TNFRSF19: variants seen among roughly 807,000 people sequenced by gnomAD.
TNFRSF19 encodes the protein TNF receptor superfamily member 19.
A neutral mutation model predicts 46.4 loss-of-function variants in TNFRSF19; 27 were observed. The observed-to-expected ratio is 0.58, with a 90% CI of 0.43 to 0.80. The LOEUF (loss-of-function observed/expected upper bound fraction) is 0.80, where lower values mean the gene tolerates loss of function less well. TNFRSF19 is among the 30% of genes least tolerant of loss of function. The pLI is 0.00. For synonymous variants in TNFRSF19, 204 were observed against 205.0 expected, an observed-to-expected ratio of 1.00 and a Z score of 0.04; for missense variants, 511 against 530.8, an observed-to-expected ratio of 0.96 and a Z score of 0.37.
intron 4 of TNFRSF19, among the ~76,000 whole-genome samples, chr13:23,624,441 A>C (rs1357903577): frequency 6.6e-6 from 1 of 152,162 alleles, no homozygotes; most frequent in East Asian, 1.9e-4. Context: ...AATCAAGTGA[A>C]AATAGAATGT....
At chr13:23,575,910 C>A (rs1325210252) in intron 1 of TNFRSF19, among the ~76,000 whole-genome samples, 2 of 152,108 alleles carry the variant, frequency 1.3e-5, no homozygotes, top group Admixed American at 1.3e-4. Context: ...TAAACAAATG[C>A]ACTTTGTGTC....
intron 6 of TNFRSF19, 29 bp from the exon 7 acceptor site, chr13:23,660,336 C>T (rs201927877): frequency 6.2e-7 from 1 of 1,603,936 alleles, no homozygotes; most frequent in Non-Finnish European, 8.5e-7. Context: ...AGACTGTGTT[C>T]CCTGACAGAG....
At chr13:23,632,053 G>C (rs756026916) in intron 5 of TNFRSF19, among the ~76,000 whole-genome samples, 1 of 152,202 alleles carries the variant, frequency 6.6e-6, no homozygotes, top group Non-Finnish European at 1.5e-5. Flanking sequence ...TTTCTGATGA[G>C]TTTGCTAATA....
At chr13:23,611,458 A>T (rs1169448045) in intron 3 of TNFRSF19, among the ~76,000 whole-genome samples, 1 of 152,138 alleles carries the variant, frequency 6.6e-6, no homozygotes, top group African/African-American at 2.4e-5. Context: ...ACCAGGCATC[A>T]CCTGGGAGAT....
In TNFRSF19 at chr13:23,660,239, TAAG is replaced by T. The variant is rs1395088072; in HGVS notation, c.611-119_611-117del. 9.4e-6 allele frequency: 9 copies of T among 957,760 alleles called. No homozygotes were observed. The African/African-American group carries it at 1.3e-4, about 14-fold the overall frequency. The allele number at this position is 957,760 out of a possible 1,614,324, so 59.3% of individuals were successfully genotyped here. A position where few individuals can be genotyped will look rare whatever the true frequency, so the allele number is the denominator to read the frequency against. On this transcript the variant is annotated intron_variant, in intron 6 of 9. Transcript: ENST00000248484. ...ATTATTTCATGTTTGTGCTTCCATGTAAGAAGAAGTCATCAAACATTGGAAGGA... is the reference window on the plus strand; with the variant it reads ...ATTATTTCATGTTTGTGCTTCCATGTAAGAAGTCATCAAACATTGGAAGGA...
chr13:23,669,144 T>G (rs1309798823), intron 9 of TNFRSF19, 47 bp downstream of exon 9: 3 of 1,583,174 alleles, frequency 1.9e-6, no homozygotes, highest in Non-Finnish European at 2.6e-6. Context: ...TGACTTACAG[T>G]AGATCAGAAC....
At chr13:23,583,391 T>C (rs1288881826) in intron 1 of TNFRSF19, among the ~76,000 whole-genome samples, 1 of 152,224 alleles carries the variant, frequency 6.6e-6, no homozygotes, top group Non-Finnish European at 1.5e-5. Context: ...TTTTTCATGA[T>C]TTAGTGATTG....
intron 5 of TNFRSF19, among the ~76,000 whole-genome samples, chr13:23,657,340 T>G (rs938184308): frequency 6.6e-6 from 1 of 151,922 alleles, no homozygotes; most frequent in African/African-American, 2.4e-5. Flanking sequence ...TTATTGGGAG[T>G]GAGGGGTGTG....
chr13:23,586,677 A>G (rs1878866139), intron 1 of TNFRSF19, among the ~76,000 whole-genome samples: 2 of 152,188 alleles, frequency 1.3e-5, no homozygotes, highest in Admixed American at 1.3e-4. Context: ...GAGGGAGGCC[A>G]ATTAGGACAC....
chr13:23,633,359 A>AT (rs1191355867), intron 5 of TNFRSF19, among the ~76,000 whole-genome samples: 2 of 152,120 alleles, frequency 1.3e-5, no homozygotes, highest in Non-Finnish European at 2.9e-5. Context: ...AAGTTCTGGG[A>AT]TTACAGGCAT....
chr13:23,576,305 T>C (rs1877954071), intron 1 of TNFRSF19, among the ~76,000 whole-genome samples: 1 of 152,100 alleles, frequency 6.6e-6, no homozygotes, highest in South Asian at 2.1e-4. Context: ...GGCTAATTTT[T>C]GTATTTTTAC....
At chr13:23,589,523 G>T (rs983958904) in intron 1 of TNFRSF19, among the ~76,000 whole-genome samples, 4 of 152,180 alleles carry the variant, frequency 2.6e-5, no homozygotes, top group African/African-American at 7.2e-5. Flanking sequence ...ATAGCACATT[G>T]TCTGTCAGGG....
At chr13:23,604,843 A>T (rs958034420) in intron 3 of TNFRSF19, among the ~76,000 whole-genome samples, 4 of 152,166 alleles carry the variant, frequency 2.6e-5, no homozygotes, top group African/African-American at 9.6e-5. Context: ...CAGGTCACAG[A>T]CCTAACTGTA....
At chr13:23,598,198 A>G (rs894081001) in intron 3 of TNFRSF19, among the ~76,000 whole-genome samples, 6 of 152,164 alleles carry the variant, frequency 3.9e-5, no homozygotes, top group African/African-American at 1.2e-4. Flanking sequence ...GAACACATGG[A>G]CACAGGGAGG....
chr13:23,575,832 A>G (rs1877919544), intron 1 of TNFRSF19, among the ~76,000 whole-genome samples: 1 of 152,228 alleles, frequency 6.6e-6, no homozygotes. Flanking sequence ...GAGCTAATTT[A>G]TCACTGAAAC....
chr13:23,624,058 T>G (rs1881839623), intron 4 of TNFRSF19, among the ~76,000 whole-genome samples: 1 of 152,182 alleles, frequency 6.6e-6, no homozygotes, highest in African/African-American at 2.4e-5. Flanking sequence ...CCTCTATATT[T>G]TCTTCTAGGA....
In TNFRSF19 at chr13:23,570,781, T is replaced by C. The variant is rs1877590369; in HGVS notation, c.-102T>C. 1 of 152,192 alleles carries C rather than the reference T, an allele frequency of 6.6e-6. No homozygotes were observed. Among genetic ancestry groups the C allele is most frequent in the Non-Finnish European group, 1.5e-5 (1 of 68,030 alleles). 9.4% of individuals were successfully genotyped at this position (152,192 alleles called of 1,614,324 possible). A position where few individuals can be genotyped will look rare whatever the true frequency, so the allele number is the denominator to read the frequency against. ...AGTTTCGTCTGGGCTTGTGCTGACATACATTTTTGGGAAGGTAGAAGCATT... is the reference window on the plus strand; with the variant it reads ...AGTTTCGTCTGGGCTTGTGCTGACACACATTTTTGGGAAGGTAGAAGCATT... On this transcript the variant is annotated 5_prime_UTR_variant, in exon 1 of 10. Coordinates refer to ENST00000248484, the MANE Select transcript of TNFRSF19 (RefSeq NM_148957.4).
At position 23,659,542 on chromosome 13, in the gene TNFRSF19, T is replaced by C. The variant is rs1884210338; in HGVS notation, c.610+328T>C. 6.6e-6 allele frequency among the ~76,000 whole-genome samples: 1 copy of C among 152,186 alleles called. No homozygotes were observed. The highest frequency in any genetic ancestry group is 1.5e-5 in the Non-Finnish European group (1 of 68,026). Reference sequence around the variant, plus strand: ...TTTTTTTGGAGACAGAGTCTGGCTCTGTCACCCAGGCTGGAGGGCAGTGGC... The same window carrying C: ...TTTTTTTGGAGACAGAGTCTGGCTCCGTCACCCAGGCTGGAGGGCAGTGGC... On this transcript the variant is annotated intron_variant, in intron 6 of 9. Coordinates refer to ENST00000248484, the MANE Select transcript of TNFRSF19 (RefSeq NM_148957.4). This position sits in a 1 kb window ranked among gnomAD's most constrained non-coding sequence, Gnocchi z 4.9.
intron 5 of TNFRSF19, among the ~76,000 whole-genome samples, chr13:23,642,091 A>G (rs1163833216): frequency 6.6e-6 from 1 of 152,212 alleles, no homozygotes; most frequent in Non-Finnish European, 1.5e-5. Flanking sequence ...TAAGTTGAGG[A>G]TTATCTATAA....
Sources: gnomAD v4.1 joint callset for allele counts (sites outside exome capture counted in the v4.1 genomes callset) on GRCh38, gnomAD v4.1.1 for gene constraint, Gnocchi (gnomAD v3.1) non-coding constraint, MANE v1.5 for transcripts, NCBI Gene and HGNC (gene_info 2026-07-23, HGNC 2026-07-21) for gene names.